The following RASEF variants were observed in gnomAD, a reference collection of about 807,000 sequenced individuals.
The protein encoded by RASEF is RAS and EF-hand domain containing, also known as ras and EF-hand domain-containing protein.
Under a neutral mutation model 90.1 loss-of-function variants are expected in RASEF, and 68 were observed. The ratio of observed to expected loss-of-function variants is 0.75; its 90% CI spans 0.62 to 0.92. The LOEUF is 0.92. RASEF is among the 40% of genes least tolerant of loss of function. The pLI, the probability that RASEF is intolerant of heterozygous loss-of-function variation, is 0.00. For synonymous variants in RASEF, 331 were observed against 345.2 expected (o/e 0.96, Z 0.46); for missense variants, 949 against 937.2 (o/e 1.01, Z -0.16).
chr9:83,104,061 C>T, the RASEF span, among the ~76,000 whole-genome samples: 2 of 152,212 alleles, frequency 1.3e-5, no homozygotes, highest in South Asian at 2.1e-4. Context: ...ACATTTCTAT[C>T]GGTGCCAAGC....
the RASEF span, among the ~76,000 whole-genome samples, chr9:83,158,811 T>C: frequency 6.6e-6 from 1 of 150,780 alleles, no homozygotes; most frequent in African/African-American, 2.4e-5. Context: ...TAAATATATA[T>C]ATACACACAC....
the RASEF span, among the ~76,000 whole-genome samples, chr9:83,154,231 T>A: frequency 6.6e-6 from 1 of 152,200 alleles, no homozygotes; most frequent in Non-Finnish European, 1.5e-5. Flanking sequence ...TTGTATAGTG[T>A]CACTGTCAGG....
chr9:83,100,878 A>G, the RASEF span, among the ~76,000 whole-genome samples: 9 of 152,210 alleles, frequency 5.9e-5, no homozygotes, highest in Non-Finnish European at 1.2e-4. Flanking sequence ...TATGTTTTTC[A>G]TAGTTTTATT....
the RASEF span, among the ~76,000 whole-genome samples, chr9:83,147,028 GTA>G: frequency 0.094 from 2,954 of 31,312 alleles, 102 homozygotes; most frequent in African/African-American, 0.3. Context: ...GTGTGTGTGT[GTA>G]TATATATATG....
intron 7 of RASEF, among the ~76,000 whole-genome samples, chr9:83,006,560 A>C (rs1257625884): frequency 3.9e-5 from 6 of 152,172 alleles, no homozygotes; most frequent in African/African-American, 1.4e-4. Flanking sequence ...AACTGAAACC[A>C]GAAGACAATG....
the RASEF span, among the ~76,000 whole-genome samples, chr9:83,098,393 G>C: frequency 6.6e-6 from 1 of 152,054 alleles, no homozygotes; most frequent in Admixed American, 6.5e-5. Flanking sequence ...TCTAACCTAT[G>C]ATTAATCCCA....
chr9:83,089,913 G>C, the RASEF span, among the ~76,000 whole-genome samples: 8 of 148,034 alleles, frequency 5.4e-5, no homozygotes, highest in Non-Finnish European at 7.6e-5. Flanking sequence ...TAGATAGATA[G>C]ATAGATAGAT....
At chr9:83,194,466 C>T in the RASEF span, among the ~76,000 whole-genome samples, 1 of 152,140 alleles carries the variant, frequency 6.6e-6, no homozygotes, top group Non-Finnish European at 1.5e-5. Context: ...CAACATGACT[C>T]GTCACAGATG....
chr9:82,982,833 G>GAGA (rs537717946), intron 16 of RASEF, 51 bp from the exon 17 acceptor site: 81 of 1,012,702 alleles, frequency 8.0e-5, no homozygotes, highest in Non-Finnish European at 1.0e-4. Flanking sequence ...GAGAGAGAGA[G>GAGA]GATTACTGAG....
chr9:83,076,521 CA>C, the RASEF span, among the ~76,000 whole-genome samples: 1 of 151,934 alleles, frequency 6.6e-6, no homozygotes, highest in African/African-American at 2.4e-5. Context: ...CATGCCTTTA[CA>C]GAAGATTTTT....
chr9:83,057,276 T>C lies in RASEF; in HGVS notation c.431+5161A>G, dbSNP rs1359214814. Among the ~76,000 whole-genome samples, 8 of 152,222 alleles carry C rather than the reference T, an allele frequency of 5.3e-5. No homozygotes were observed. The East Asian group carries it at 1.5e-3, about 29-fold the overall frequency. Reference sequence around the variant, plus strand: ...TCTGTTGGCTGACAATATAATCTTATATCTAGAAAACCCTAAAGACTCCTA... The same window carrying C: ...TCTGTTGGCTGACAATATAATCTTACATCTAGAAAACCCTAAAGACTCCTA... On this transcript the variant is annotated intron_variant, in intron 1 of 16. Transcript: ENST00000376447.
In RASEF at chr9:83,022,343, C is replaced by A. The variant is rs760664703; in HGVS notation, c.662G>T (p.Arg221Leu). The A allele has an allele frequency of 1.2e-6, 2 of 1,613,218 alleles. No homozygotes were observed. The highest frequency in any genetic ancestry group is 1.3e-5 in the African/African-American group (1 of 74,866). ...GCCAACCCAGAAACTCACGTCTTTC[C>A]GTGTCTTATGTTCTGCAGCCTGAAT... is the stretch of plus-strand genomic sequence containing the variant. ...QRIQAAEHKT[R>L]KDEKRKAEEA... Residue 221 changes from arginine (R) to leucine (L), a missense_variant, in exon 3 of 17, where the codon CGG (arginine) becomes CTG (leucine). Transcript: ENST00000376447.
chr9:83,141,904 A>G, the RASEF span, among the ~76,000 whole-genome samples: 1 of 152,212 alleles, frequency 6.6e-6, no homozygotes, highest in African/African-American at 2.4e-5. Context: ...GGGATGATGG[A>G]AAATTTCTGA....
chr9:83,082,034 G>GAAAGGGAGA, the RASEF span, among the ~76,000 whole-genome samples: 5 of 152,158 alleles, frequency 3.3e-5, no homozygotes, highest in East Asian at 9.6e-4. Context: ...AGGAAATGTA[G>GAAAGGGAGA]CCTAGACACC....
At chr9:83,172,892 TC>T in the RASEF span, among the ~76,000 whole-genome samples, 6 of 152,002 alleles carry the variant, frequency 3.9e-5, no homozygotes, top group African/African-American at 1.4e-4. Flanking sequence ...CACATTAGCA[TC>T]CTTTTCTTCC....
At chr9:83,009,138 A>G (rs1829192362) in intron 6 of RASEF, among the ~76,000 whole-genome samples, 1 of 151,774 alleles carries the variant, frequency 6.6e-6, no homozygotes, top group Non-Finnish European at 1.5e-5. Context: ...ATACACACAT[A>G]TACACATATC....
chr9:83,073,822 CA>C, the RASEF span, among the ~76,000 whole-genome samples: 1 of 152,160 alleles, frequency 6.6e-6, no homozygotes, highest in Non-Finnish European at 1.5e-5. Context: ...AAAACCATTA[CA>C]AACCAATAAT....
At chr9:83,151,670 G>A in the RASEF span, among the ~76,000 whole-genome samples, 1 of 152,106 alleles carries the variant, frequency 6.6e-6, no homozygotes, top group Non-Finnish European at 1.5e-5. Context: ...TTAATTTTTG[G>A]CCTCATTCTG....
chr9:83,125,182 A>T, the RASEF span, among the ~76,000 whole-genome samples: 1 of 152,198 alleles, frequency 6.6e-6, no homozygotes, highest in Admixed American at 6.5e-5. Context: ...CTGGTATACC[A>T]GATTGTGCAC....
Sources: allele counts gnomAD v4.1 joint callset (sites outside exome capture counted in the v4.1 genomes callset), GRCh38; gene constraint gnomAD v4.1.1; transcripts MANE v1.5; gene names NCBI Gene and HGNC (gene_info 2026-07-23, HGNC 2026-07-21).